Variants in PRR5L observed in about 807,000 individuals in gnomAD.
The protein encoded by PRR5L is proline-rich protein 5-like.
A neutral mutation model predicts 36.4 loss-of-function variants in PRR5L; 21 were observed. The observed-to-expected ratio is 0.58, with a 90% CI of 0.41 to 0.83. The LOEUF (loss-of-function observed/expected upper bound fraction) is 0.83, where lower values mean the gene tolerates loss of function less well. PRR5L is among the 40% of genes least tolerant of loss of function. The pLI is 0.00. For synonymous variants in PRR5L, 188 were observed against 197.0 expected (o/e 0.95, Z 0.38); for missense variants, 381 against 473.3 (o/e 0.80, Z 1.81).
intron 1 of PRR5L, among the ~76,000 whole-genome samples, chr11:36,382,247 C>T (rs1208418712): frequency 1.3e-5 from 2 of 152,202 alleles, no homozygotes; most frequent in Non-Finnish European, 2.9e-5. Context: ...TCCTAACGGG[C>T]ATCATGGAGA....
rs1858627519 is a variant in PRR5L at position 36,437,420 on chromosome 11, G to A, written c.388G>A (p.Asp130Asn). 2 of 1,613,346 alleles carry A rather than the reference G, an allele frequency of 1.2e-6. No homozygotes were observed. Among genetic ancestry groups the A allele is most frequent in the Non-Finnish European group, 1.7e-6 (2 of 1,179,362 alleles). Residue 130 changes from aspartate to asparagine, a missense_variant, in exon 6 of 9, where the codon GAC becomes AAC. Physicochemically the swap from Asp to Asn is conservative, Grantham distance 23. Transcript: ENST00000530639. ...NRIEVLAEVW[D>N]HFFTETLPTL... ...CATTGAGGTTCTGGCTGAAGTCTGG[G>A]ACCACTTCTTCACTGAGACTCTCCC...
intron 1 of PRR5L, among the ~76,000 whole-genome samples, chr11:36,363,563 G>A (rs1023448518): frequency 1.3e-5 from 2 of 152,024 alleles, no homozygotes; most frequent in Non-Finnish European, 2.9e-5. Context: ...CTCCTGACCC[G>A]CCTTTGAGAG....
rs532413211 is a variant in PRR5L at position 36,444,664 on chromosome 11, T to C, written c.445-1636T>C. The stretch of plus-strand genomic sequence containing the variant: ...GCAGGAGGTCCTAGAATTGTTTCCT[T>C]TTGCTTTGCAGTCTTTCCTTCCCAC... On this transcript the variant is annotated intron_variant, in intron 6 of 8. Coordinates refer to ENST00000530639, the MANE Select transcript of PRR5L (RefSeq NM_001160167.2). 2.0e-5 allele frequency among the ~76,000 whole-genome samples: 3 copies of C among 152,310 alleles called. No individual in the cohort carries two copies. In the South Asian group the frequency reaches 6.2e-4, roughly 32 times the overall value.
At chr11:36,355,999 C>T (rs560901911) in intron 1 of PRR5L, among the ~76,000 whole-genome samples, 1 of 151,966 alleles carries the variant, frequency 6.6e-6, no homozygotes, top group African/African-American at 2.4e-5. Context: ...GCAGCCTTGA[C>T]CTCCCAGGCT....
chr11:36,314,250 C>T (rs1047923153), intron 1 of PRR5L, among the ~76,000 whole-genome samples: 2 of 152,076 alleles, frequency 1.3e-5, no homozygotes, highest in East Asian at 1.9e-4. Context: ...AAATTATTTA[C>T]GTAACTTGGA....
intron 1 of PRR5L, among the ~76,000 whole-genome samples, chr11:36,342,408 G>C (rs902082111): frequency 2.5e-4 from 38 of 152,232 alleles, no homozygotes; most frequent in African/African-American, 8.2e-4. Context: ...GGGAAGCCTA[G>C]GGTTCAGGAG....
At chr11:36,393,596 T>G (rs1438893194) in intron 1 of PRR5L, among the ~76,000 whole-genome samples, 1 of 152,226 alleles carries the variant, frequency 6.6e-6, no homozygotes, top group Non-Finnish European at 1.5e-5. Context: ...TAGTATAATT[T>G]GAAGTCAGGT....
intron 6 of PRR5L, among the ~76,000 whole-genome samples, chr11:36,441,366 G>C (rs1858719120): frequency 6.6e-6 from 1 of 152,192 alleles, no homozygotes; most frequent in African/African-American, 2.4e-5. Context: ...GGGACAGCAG[G>C]CCCCACTTGA....
At chr11:36,308,955 TGTAA>T (rs1331803317) in intron 1 of PRR5L, among the ~76,000 whole-genome samples, 1 of 152,222 alleles carries the variant, frequency 6.6e-6, no homozygotes, top group Non-Finnish European at 1.5e-5. Context: ...CCTGCAGATC[TGTAA>T]GTGAGAAAAA....
intron 1 of PRR5L, among the ~76,000 whole-genome samples, chr11:36,366,380 T>C (rs1857143693): frequency 6.8e-6 from 1 of 148,102 alleles, no homozygotes; most frequent in African/African-American, 2.5e-5. Flanking sequence ...AATTTTTTTG[T>C]TTTTATCAAT....
At chr11:36,339,535 A>T (rs1856799210) in intron 1 of PRR5L, among the ~76,000 whole-genome samples, 2 of 152,258 alleles carry the variant, frequency 1.3e-5, no homozygotes, top group Admixed American at 1.3e-4. Flanking sequence ...GCTAGGCACT[A>T]TGCTAGTCTT....
intron 1 of PRR5L, among the ~76,000 whole-genome samples, chr11:36,330,039 C>T (rs2133471265): frequency 6.6e-6 from 1 of 152,308 alleles, no homozygotes; most frequent in East Asian, 1.9e-4. Flanking sequence ...ATAATATAAC[C>T]TATGTTTCCA....
chr11:36,304,370 T>C (rs1753718951), intron 1 of PRR5L, among the ~76,000 whole-genome samples: 1 of 152,200 alleles, frequency 6.6e-6, no homozygotes, highest in Non-Finnish European at 1.5e-5. Flanking sequence ...ATATACCAAA[T>C]GGCAAAAATC....
chr11:36,315,393 T>C (rs1044661392), intron 1 of PRR5L, among the ~76,000 whole-genome samples: 1 of 152,250 alleles, frequency 6.6e-6, no homozygotes, highest in Non-Finnish European at 1.5e-5. Flanking sequence ...TGTATAGATG[T>C]ATTTTGGAAA....
At chr11:36,326,302 T>TACACACACACAC (rs3083243) in intron 1 of PRR5L, among the ~76,000 whole-genome samples, 103 of 147,488 alleles carry the variant, frequency 7.0e-4, no homozygotes, top group African/African-American at 2.3e-3. Flanking sequence ...CCCCAATAGA[T>TACACACACACAC]ACACACACAC....
intron 1 of PRR5L, chr11:36,388,352 A>T (rs1278936607): frequency 1.3e-5 from 2 of 152,336 alleles, no homozygotes; most frequent in East Asian, 1.9e-4. Context: ...AAGAAATCAT[A>T]TGACCTTTAT....
At chr11:36,341,710 T>A (rs1383785312) in intron 1 of PRR5L, among the ~76,000 whole-genome samples, 4 of 152,168 alleles carry the variant, frequency 2.6e-5, no homozygotes, top group African/African-American at 9.7e-5. Flanking sequence ...TTATATCAGA[T>A]AATAATAGTG....
At chr11:36,399,879 G>T (rs1857754103) in intron 1 of PRR5L, among the ~76,000 whole-genome samples, 1 of 152,230 alleles carries the variant, frequency 6.6e-6, no homozygotes. Context: ...GAGGCCCATG[G>T]CTCCGCCATT....
chr11:36,450,164 A>G (rs1035562427), intron 7 of PRR5L, among the ~76,000 whole-genome samples: 1 of 152,176 alleles, frequency 6.6e-6, no homozygotes, highest in African/African-American at 2.4e-5. Flanking sequence ...GGGATTGCCA[A>G]CATGCAGGAG....
Sources: gnomAD v4.1 joint callset for allele counts (sites outside exome capture counted in the v4.1 genomes callset) on GRCh38, gnomAD v4.1.1 for gene constraint, MANE v1.5 for transcripts, NCBI Gene and HGNC (gene_info 2026-07-23, HGNC 2026-07-21) for gene names.